PPP4R3A: variants seen among roughly 807,000 people sequenced by gnomAD.
The protein encoded by PPP4R3A is protein phosphatase 4 regulatory subunit 3A, also known as serine/threonine-protein phosphatase 4 regulatory subunit 3A.
A neutral mutation model predicts 91.7 loss-of-function variants in PPP4R3A; 15 were observed. The observed-to-expected ratio is 0.16, with a 90% confidence interval of 0.11 to 0.25. The LOEUF (loss-of-function observed/expected upper bound fraction) is 0.25, where lower values mean the gene tolerates loss of function less well. PPP4R3A is among the 10% of genes least tolerant of loss of function. The pLI is 1.00. For missense variants in PPP4R3A, 623 were observed against 998.4 expected (o/e 0.62, Z 5.07); for synonymous variants, 377 against 348.7 (o/e 1.08, Z -0.91).
chr14:91,463,812 T>C (rs779408794), intron 11 of PPP4R3A, among the ~76,000 whole-genome samples: 2 of 152,138 alleles, frequency 1.3e-5, no homozygotes, highest in Non-Finnish European at 2.9e-5. Flanking sequence ...GTTATACGGG[T>C]AAACTGCGTG....
At chr14:91,459,083 TTTGAG>T (rs1340840771) in intron 14 of PPP4R3A, among the ~76,000 whole-genome samples, 2 of 152,142 alleles carry the variant, frequency 1.3e-5, no homozygotes. Context: ...AAGGGAAAAC[TTTGAG>T]TTAATTAGAA....
chr14:91,509,532 G>C lies in PPP4R3A; in HGVS notation c.116C>G (p.Ser39Cys), dbSNP rs200747494. The C allele has an allele frequency of 8.1e-6, 13 of 1,597,578 alleles. No individual in the cohort carries two copies. The East Asian group carries it at 1.8e-4, about 22-fold the overall frequency. The change falls in exon 1 of 15, where the codon TCC becomes TGC. Residue 39 changes from serine to cysteine, a missense_variant. By Grantham distance (112) the Ser-to-Cys change is moderately radical. Transcript: ENST00000554943. ...GTCGCTCTCAGCCCTGACAAGCAGG[G>C]ACATGCCCTTCAGCCGCTCCACGTA... ...SGYVERLKGMSLLVRAESDGS... is the reference protein window; with the variant it reads ...SGYVERLKGMCLLVRAESDGS...
chr14:91,468,667 C>CAAAAAAAAAAAAA (rs766250846), intron 10 of PPP4R3A, among the ~76,000 whole-genome samples: 6 of 45,032 alleles, frequency 1.3e-4, no homozygotes, highest in Non-Finnish European at 1.3e-4. Context: ...GACTCCGTCT[C>CAAAAAAAAAAAAA]AAAAAAAAAA....
chr14:91,507,611 G>A (rs59452236), intron 1 of PPP4R3A, among the ~76,000 whole-genome samples: 8 of 40,686 alleles, frequency 2.0e-4, no homozygotes, highest in African/African-American at 6.2e-4. Flanking sequence ...ACATACTATA[G>A]TTATATATAC....
chr14:91,475,853 A>G lies in PPP4R3A; in HGVS notation c.1224T>C (p.Asp408=). The stretch of plus-strand genomic sequence containing the variant: ...GCTCTGTTAACTTCTTACTTACATC[A>G]TCATTCTGTTGTGCCTCCTGCATGA... ...EFVMQEAQQN[D]DVSKKLTEQK... is the part of the protein sequence containing the mutation. Residue 408 remains aspartate (D), a synonymous_variant, in exon 7 of 15, where the codon GAT becomes GAC. Coordinates refer to ENST00000554943, the MANE Select transcript of PPP4R3A (RefSeq NM_001366432.2). 1 of 1,613,774 alleles carries G rather than the reference A, an allele frequency of 6.2e-7. No individual in the cohort carries two copies.
Position 91,462,719 on chromosome 14 carries a change from A to C in PPP4R3A, c.1973+16T>G, listed in dbSNP as rs1432420404. On this transcript the variant is annotated intron_variant, in intron 12 of 14. Transcript: ENST00000554943. ...CTTGATGCTGAACGAATAGGTTTAA[A>C]TATATGGTAATTTACCTGTCAAGTT... 2 of 1,613,364 alleles carry C rather than the reference A, an allele frequency of 1.2e-6. No homozygotes were observed. The highest frequency in any genetic ancestry group is 1.1e-5 in the South Asian group (1 of 91,052).
intron 14 of PPP4R3A, 97 bp from the exon 15 acceptor site, chr14:91,458,966 T>C: frequency 3.7e-6 from 5 of 1,348,704 alleles, no homozygotes; most frequent in Non-Finnish European, 4.0e-6. Flanking sequence ...CCTACCAACA[T>C]AGTAACGGTG....
chr14:91,507,172 T>C (rs559180812), intron 1 of PPP4R3A, among the ~76,000 whole-genome samples: 26 of 151,270 alleles, frequency 1.7e-4, no homozygotes, highest in Non-Finnish European at 3.2e-4. Flanking sequence ...TACAAAAAAA[T>C]TAGCCAGGCA....
At chr14:91,476,702 A>C (rs899556690) in intron 5 of PPP4R3A, among the ~76,000 whole-genome samples, 178 bp from the exon 6 acceptor site, 1 of 152,182 alleles carries the variant, frequency 6.6e-6, no homozygotes, top group Non-Finnish European at 1.5e-5. Flanking sequence ...AGTAGCTAGG[A>C]TTACAGGTGC....
chr14:91,457,641 A>G lies in PPP4R3A; in HGVS notation c.*1118T>C, dbSNP rs752824928. The G allele has an allele frequency of 2.0e-5, 3 of 152,596 alleles. No individual in the cohort carries two copies. The highest frequency in any genetic ancestry group is 4.4e-5 in the Non-Finnish European group (3 of 68,006). 9.5% of individuals were successfully genotyped at this position (152,596 alleles called of 1,614,324 possible). Reference sequence around the variant, plus strand: ...CTTACTCTTCACTTTTCTTTTTATTATTCAAAAGTCAAATGTTTTTAAATC... The same window carrying G: ...CTTACTCTTCACTTTTCTTTTTATTGTTCAAAAGTCAAATGTTTTTAAATC... On this transcript the variant is annotated 3_prime_UTR_variant, in exon 15 of 15. Transcript: ENST00000554943.
chr14:91,485,839 A>C, intron 2 of PPP4R3A, 109 bp from the exon 3 acceptor site: 1 of 586,104 alleles, frequency 1.7e-6, no homozygotes, highest in South Asian at 3.0e-5. Context: ...TGCAACACTA[A>C]TACTGGCAAT....
At chr14:91,499,799 T>TG (rs562231028) in intron 1 of PPP4R3A, among the ~76,000 whole-genome samples, 14 of 137,438 alleles carry the variant, frequency 1.0e-4, no homozygotes, top group Non-Finnish European at 1.7e-4. Context: ...CCAACCTGGG[T>TG]GACAGAGCGA....
At chr14:91,502,043 C>A (rs117838191) in intron 1 of PPP4R3A, among the ~76,000 whole-genome samples, 3,727 of 151,914 alleles carry the variant, frequency 0.025, 75 homozygotes, top group Non-Finnish European at 0.041. Flanking sequence ...ATGCTTTAAA[C>A]CCGTAACAGG....
intron 1 of PPP4R3A, among the ~76,000 whole-genome samples, chr14:91,503,536 A>G (rs1891088351): frequency 6.6e-6 from 1 of 152,184 alleles, no homozygotes; most frequent in African/African-American, 2.4e-5. Flanking sequence ...TGGCAGGTGG[A>G]TATGGTAAAA....
chr14:91,484,248 G>A (rs564242452), intron 3 of PPP4R3A, among the ~76,000 whole-genome samples: 105 of 152,310 alleles, frequency 6.9e-4, no homozygotes, highest in African/African-American at 2.3e-3. Flanking sequence ...AAAGCACAGC[G>A]AAGTAGAATA....
At chr14:91,470,737 T>C in intron 10 of PPP4R3A, 100 bp downstream of exon 10, 1 of 1,354,236 alleles carries the variant, frequency 7.4e-7, no homozygotes, top group East Asian at 2.4e-5. Flanking sequence ...ACGACCTAGA[T>C]CTCCTGACCT....
intron 3 of PPP4R3A, among the ~76,000 whole-genome samples, 180 bp downstream of exon 3, chr14:91,485,452 G>A (rs1267722998): frequency 6.6e-6 from 1 of 152,182 alleles, no homozygotes; most frequent in Non-Finnish European, 1.5e-5. Context: ...TTCAGCAAAG[G>A]TATGAGCTAG....
At position 91,490,822 on chromosome 14, in the gene PPP4R3A, A is replaced by C. The variant is rs758416441; in HGVS notation, c.143-20T>G. On this transcript the variant is annotated intron_variant, in intron 1 of 14. Coordinates refer to ENST00000554943, the MANE Select transcript of PPP4R3A (RefSeq NM_001366432.2). ...GAGAACCTAGGAAACAGAAAAAGAC[A>C]TTCCATTATGTTACTGTAAAACAGC... 1 of 1,587,124 alleles carries C rather than the reference A, an allele frequency of 6.3e-7. No individual in the cohort carries two copies. Among genetic ancestry groups the C allele is most frequent in the Non-Finnish European group, 8.6e-7 (1 of 1,161,662 alleles).
At chr14:91,472,009 G>A (rs1427835760) in intron 9 of PPP4R3A, among the ~76,000 whole-genome samples, 5 of 144,266 alleles carry the variant, frequency 3.5e-5, no homozygotes, top group Non-Finnish European at 7.4e-5. Flanking sequence ...AGGTTGCAGT[G>A]AGCCGAGATC....
Sources: allele counts gnomAD v4.1 joint callset (sites outside exome capture counted in the v4.1 genomes callset), GRCh38; gene constraint gnomAD v4.1.1; transcripts MANE v1.5; gene names NCBI Gene and HGNC (gene_info 2026-07-23, HGNC 2026-07-21).